The following ANKS1B variants were observed in gnomAD, a reference collection of about 807,000 sequenced individuals.
ANKS1B encodes ankyrin repeat and sterile alpha motif domain containing 1B.
A neutral mutation model predicts 148.3 loss-of-function variants in ANKS1B; 36 were observed. The observed-to-expected ratio is 0.24, with a 90% CI of 0.19 to 0.32. ANKS1B has a LOEUF of 0.32. Among genes scored for constraint, ANKS1B ranks in the 10% least tolerant of loss-of-function variants. The pLI is 1.00. For synonymous variants in ANKS1B, 542 were observed against 560.8 expected, an observed-to-expected ratio of 0.97 and a Z score of 0.47; for missense variants, 1,157 against 1,542.6, an observed-to-expected ratio of 0.75 and a Z score of 4.19.
chr12:98,847,034 C>A (rs982913483), intron 17 of ANKS1B, among the ~76,000 whole-genome samples: 1 of 152,208 alleles, frequency 6.6e-6, no homozygotes, highest in African/African-American at 2.4e-5. Flanking sequence ...ACCATCACCA[C>A]CATCAAGACT....
intron 9 of ANKS1B, among the ~76,000 whole-genome samples, chr12:99,515,328 C>T (rs1457469527): frequency 1.3e-5 from 2 of 152,060 alleles, no homozygotes; most frequent in Non-Finnish European, 1.5e-5. Flanking sequence ...CAGACCCCCA[C>T]TATTCTTCCC....
chr12:99,624,156 A>C (rs190283323), intron 9 of ANKS1B, among the ~76,000 whole-genome samples: 1 of 152,110 alleles, frequency 6.6e-6, no homozygotes, highest in Non-Finnish European at 1.5e-5. Context: ...CAAGGGTGAA[A>C]GCTCCTCTTA....
At chr12:99,232,817 G>A (rs1459243560) in intron 14 of ANKS1B, among the ~76,000 whole-genome samples, 1 of 152,072 alleles carries the variant, frequency 6.6e-6, no homozygotes, top group Admixed American at 6.6e-5. Context: ...TTTCTGTGGA[G>A]CATGCACTCT....
intron 9 of ANKS1B, among the ~76,000 whole-genome samples, chr12:99,561,657 T>G (rs879876005): frequency 1.8e-4 from 28 of 152,142 alleles, no homozygotes; most frequent in Admixed American, 5.2e-4. Flanking sequence ...CTGTTCAAGT[T>G]TTATCATGAT....
chr12:99,065,187 G>T (rs975891643), intron 16 of ANKS1B, among the ~76,000 whole-genome samples: 2 of 151,960 alleles, frequency 1.3e-5, no homozygotes, highest in Non-Finnish European at 2.9e-5. Context: ...GCAGCTATTT[G>T]GTGGTTATAT....
At chr12:99,762,924 G>A (rs1400941266) in intron 8 of ANKS1B, among the ~76,000 whole-genome samples, 1 of 151,988 alleles carries the variant, frequency 6.6e-6, no homozygotes, top group African/African-American at 2.4e-5. Context: ...TTAGAGAAGT[G>A]CAAATCAAAA....
At chr12:98,941,707 T>C (rs1008707530) in intron 17 of ANKS1B, among the ~76,000 whole-genome samples, 5 of 152,238 alleles carry the variant, frequency 3.3e-5, no homozygotes, top group Non-Finnish European at 7.3e-5. Context: ...GACATAAACA[T>C]TTAAAGATGT....
intron 17 of ANKS1B, among the ~76,000 whole-genome samples, chr12:98,869,208 C>T (rs910494421): frequency 6.6e-6 from 1 of 152,200 alleles, no homozygotes; most frequent in Admixed American, 6.5e-5. Context: ...AATTATACCC[C>T]AGTTCCTTCC....
intron 25 of ANKS1B, among the ~76,000 whole-genome samples, chr12:98,765,004 T>C (rs1459113822): frequency 6.6e-6 from 1 of 152,236 alleles, no homozygotes; most frequent in Non-Finnish European, 1.5e-5. Context: ...CTGACTTTTT[T>C]CCTCAGATGT....
chr12:99,399,736 T>C lies in ANKS1B; in HGVS notation c.1651A>G (p.Asn551Asp). Residue 551 changes from asparagine (N) to aspartate (D), a missense_variant, in exon 12 of 27, where the codon AAC becomes GAC. Transcript: ENST00000683438. ...MNHNQEYFEINTSTGCTSFTA... is the reference protein window; with the variant it reads ...MNHNQEYFEIDTSTGCTSFTA... The stretch of plus-strand genomic sequence containing the variant: ...AAGCTTGTGCACCCTGTAGATGTGT[T>C]GATTTCAAAATATTCTTGGTTGTGA... 1 of 1,613,550 alleles carries C rather than the reference T, an allele frequency of 6.2e-7. No individual in the cohort carries two copies. Among genetic ancestry groups the C allele is most frequent in the South Asian group, 1.1e-5 (1 of 91,078 alleles).
At chr12:98,893,314 C>T (rs952794297) in intron 17 of ANKS1B, among the ~76,000 whole-genome samples, 1 of 152,158 alleles carries the variant, frequency 6.6e-6, no homozygotes, top group Non-Finnish European at 1.5e-5. Context: ...TATCACAGAG[C>T]CGTCAACATT....
At chr12:99,983,215 T>C (rs1230403005) in intron 1 of ANKS1B, among the ~76,000 whole-genome samples, 1 of 152,192 alleles carries the variant, frequency 6.6e-6, no homozygotes, top group Admixed American at 6.5e-5. Context: ...TTGAATTGTA[T>C]CTAGTGAATA....
intron 8 of ANKS1B, among the ~76,000 whole-genome samples, chr12:99,657,373 A>C (rs1350094565): frequency 2.0e-5 from 3 of 152,156 alleles, no homozygotes; most frequent in Non-Finnish European, 4.4e-5. Context: ...AATATACTGA[A>C]AAACCACACT....
intron 14 of ANKS1B, among the ~76,000 whole-genome samples, chr12:99,214,816 C>T (rs945627715): frequency 1.3e-5 from 2 of 152,138 alleles, no homozygotes; most frequent in African/African-American, 4.8e-5. Context: ...TTTAGAGCTT[C>T]CTAGAGACTT....
chr12:99,930,984 A>C (rs537209155), intron 1 of ANKS1B, among the ~76,000 whole-genome samples: 82 of 152,352 alleles, frequency 5.4e-4, no homozygotes, highest in African/African-American at 1.9e-3. Flanking sequence ...AAAATGTGGC[A>C]CACATACACC....
At chr12:99,649,204 T>A (rs964220779) in intron 9 of ANKS1B, 8 of 1,052,290 alleles carry the variant, frequency 7.6e-6, no homozygotes, top group Non-Finnish European at 1.2e-5. Flanking sequence ...ACTTGTGCAA[T>A]AATTTCTTTT....
At chr12:98,952,000 T>A (rs2099854791) in intron 17 of ANKS1B, among the ~76,000 whole-genome samples, 1 of 152,208 alleles carries the variant, frequency 6.6e-6, no homozygotes, top group Admixed American at 6.5e-5. Context: ...TGAATGTATT[T>A]AAAAACCTAG....
intron 1 of ANKS1B, among the ~76,000 whole-genome samples, chr12:99,927,961 C>G (rs2094514346): frequency 6.6e-6 from 1 of 152,238 alleles, no homozygotes; most frequent in South Asian, 2.1e-4. Flanking sequence ...ATGAGGTTAT[C>G]ATTACCAAAT....
chr12:99,638,952 G>A (rs1482808192), intron 9 of ANKS1B, among the ~76,000 whole-genome samples: 1 of 152,218 alleles, frequency 6.6e-6, no homozygotes, highest in Non-Finnish European at 1.5e-5. Context: ...CTTCCATGTG[G>A]TGTTGGTCCT....
Sources: gnomAD v4.1 joint callset for allele counts (sites outside exome capture counted in the v4.1 genomes callset) on GRCh38, gnomAD v4.1.1 for gene constraint, MANE v1.5 for transcripts, NCBI Gene and HGNC (gene_info 2026-07-23, HGNC 2026-07-21) for gene names.